The following FCRLA variants were observed in gnomAD, a reference collection of about 807,000 sequenced individuals.
FCRLA encodes Fc receptor-like A.
Under a neutral mutation model 28.4 loss-of-function variants are expected in FCRLA, and 26 were observed. The ratio of observed to expected loss-of-function variants is 0.91; its 90% CI spans 0.67 to 1.27. The LOEUF is 1.27. Ranked by LOEUF, FCRLA falls within the 50% of genes most tolerant of loss-of-function variation. The probability of loss-of-function intolerance (pLI) is 0.00; values close to 1 mark genes in which losing one functional copy is unlikely to be tolerated. For synonymous variants in FCRLA, 174 were observed against 168.5 expected (o/e 1.03, Z -0.25); for missense variants, 422 against 433.1 (o/e 0.97, Z 0.23).
chr1:161,713,223 C>T lies in FCRLA; in HGVS notation c.923C>T (p.Ser308Phe). 3 of 1,614,262 alleles carry T rather than the reference C, an allele frequency of 1.9e-6. No homozygotes were observed. The highest frequency in any genetic ancestry group is 2.5e-6 in the Non-Finnish European group (3 of 1,180,048). The change falls in exon 5 of 5, where the codon TCT becomes TTT. Residue 308 changes from serine (S) to phenylalanine (F), a missense_variant. Ser to Phe is a radical substitution (Grantham distance 155). This residue lies in a region of FCRLA where 185 missense variants were observed against 198.1 expected (regional missense o/e 0.93). Transcript: ENST00000236938. ...TCTTCTGAGGATCCAGGCTTTTCTTCTCCTCTGGGGATGCCAGATCCTCAT... is the reference window on the plus strand; with the variant it reads ...TCTTCTGAGGATCCAGGCTTTTCTTTTCCTCTGGGGATGCCAGATCCTCAT... ...TPSSEDPGFSSPLGMPDPHLY... is the reference protein window; with the variant it reads ...TPSSEDPGFSFPLGMPDPHLY...
chr1:161,712,531 A>G (rs1683157817), intron 4 of FCRLA, among the ~76,000 whole-genome samples: 1 of 152,192 alleles, frequency 6.6e-6, no homozygotes, highest in Admixed American at 6.5e-5. Context: ...TGGAATGAAG[A>G]TGGGATAGTC....
intron 4 of FCRLA, among the ~76,000 whole-genome samples, chr1:161,712,566 G>A: frequency 6.6e-6 from 1 of 152,264 alleles, no homozygotes; most frequent in East Asian, 1.9e-4. Flanking sequence ...AATTCTGGGA[G>A]CCACTGTTAA....
Position 161,713,464 on chromosome 1 carries a change from A to C in FCRLA, c.*84A>C. ...TTCTCTTCCTGTCCTGCACATATGC[A>C]TAAGTACTTTTACAAGTTGTCCCAG... On this transcript the variant is annotated 3_prime_UTR_variant, in exon 5 of 5. Transcript: ENST00000236938. 8.8e-7 allele frequency: 1 copy of C among 1,138,346 alleles called. No individual in the cohort carries two copies. The allele number at this position is 1,138,346 out of a possible 1,614,324, so 70.5% of individuals were successfully genotyped here. A position where few individuals can be genotyped will look rare whatever the true frequency, so the allele number is the denominator to read the frequency against.
At chr1:161,711,129 G>A in intron 2 of FCRLA, 79 bp from the exon 3 acceptor site, 1 of 1,539,378 alleles carries the variant, frequency 6.5e-7, no homozygotes, top group Non-Finnish European at 8.8e-7. Flanking sequence ...CTCAGAGAAA[G>A]TTTAGGGGAG....
intron 3 of FCRLA, 134 bp downstream of exon 3, chr1:161,711,608 T>C (rs566959184): frequency 1.2e-5 from 15 of 1,215,122 alleles, no homozygotes; most frequent in Admixed American, 1.1e-4. Context: ...AATGCCCAAG[T>C]TGGGCTTCGA....
chr1:161,708,869 A>T (rs1054178082), intron 1 of FCRLA, among the ~76,000 whole-genome samples: 1 of 152,088 alleles, frequency 6.6e-6, no homozygotes. Context: ...ATTTTCATCT[A>T]CCTGTGTCTT....
Position 161,713,450 on chromosome 1 carries a change from TC to T in FCRLA, c.*72del. 7.6e-7 allele frequency: 1 copy of T among 1,307,598 alleles called. No homozygotes were observed. The highest frequency in any genetic ancestry group is 1.1e-6 in the Non-Finnish European group (1 of 938,754). 81.0% of individuals were successfully genotyped at this position (1,307,598 alleles called of 1,614,324 possible). On this transcript the variant is annotated 3_prime_UTR_variant, in exon 5 of 5. Coordinates refer to ENST00000236938, the MANE Select transcript of FCRLA (RefSeq NM_032738.4). ...TCTGATTCTTTATTTTCTCTTCCTGTCCTGCACATATGCATAAGTACTTTTA... is the reference window on the plus strand; with the variant it reads ...TCTGATTCTTTATTTTCTCTTCCTGTCTGCACATATGCATAAGTACTTTTA...
chr1:161,712,306 T>C (rs771725111), intron 4 of FCRLA, 88 bp downstream of exon 4: 210 of 1,489,358 alleles, frequency 1.4e-4, no homozygotes, highest in Non-Finnish European at 1.7e-4. Flanking sequence ...TGAGCTGGGG[T>C]TCAGTGTGAG....
Position 161,713,446 on chromosome 1 carries a change from C to T in FCRLA, c.*66C>T. ...TAAATCTGATTCTTTATTTTCTCTT[C>T]CTGTCCTGCACATATGCATAAGTAC... On this transcript the variant is annotated 3_prime_UTR_variant, in exon 5 of 5. Coordinates refer to ENST00000236938, the MANE Select transcript of FCRLA (RefSeq NM_032738.4). The T allele has an allele frequency of 9.5e-6, 13 of 1,366,746 alleles. No homozygotes were observed. The highest frequency in any genetic ancestry group is 1.4e-5 in the South Asian group (1 of 73,144). 84.7% of individuals were successfully genotyped at this position (1,366,746 alleles called of 1,614,324 possible). A position where few individuals can be genotyped will look rare whatever the true frequency, so the allele number is the denominator to read the frequency against.
At chr1:161,711,038 C>G in intron 2 of FCRLA, 126 bp downstream of exon 2, 1 of 1,455,198 alleles carries the variant, frequency 6.9e-7, no homozygotes, top group Admixed American at 2.0e-5. Flanking sequence ...CTTCAGCCCA[C>G]AGCAACCAGG....
Position 161,713,700 on chromosome 1 carries a change from T to C in FCRLA, c.*320T>C. The C allele has an allele frequency of 5.0e-6, 1 of 198,870 alleles. No homozygotes were observed. The allele number at this position is 198,870 out of a possible 1,614,324, so 12.3% of individuals were successfully genotyped here. ...ATACAGCAGTCTCAACTGGGGGCAA[T>C]TTTGCCCCCCAGAGGACATTGGGCA... On this transcript the variant is annotated 3_prime_UTR_variant, in exon 5 of 5. Transcript: ENST00000236938.
chr1:161,711,530 C>T (rs1367716846), intron 3 of FCRLA, 56 bp downstream of exon 3: 1 of 1,550,770 alleles, frequency 6.4e-7, no homozygotes, highest in Admixed American at 1.9e-5. Flanking sequence ...AGACAGGGAG[C>T]CCAAATTGTC....
chr1:161,713,691 T>C lies in FCRLA; in HGVS notation c.*311T>C. ...GTGGATTGAATACAGCAGTCTCAAC[T>C]GGGGGCAATTTTGCCCCCCAGAGGA... On this transcript the variant is annotated 3_prime_UTR_variant, in exon 5 of 5. Transcript: ENST00000236938. The C allele has an allele frequency of 5.0e-6, 1 of 201,712 alleles. No homozygotes were observed. Among genetic ancestry groups the C allele is most frequent in the Non-Finnish European group, 9.9e-6 (1 of 100,992 alleles). The allele number at this position is 201,712 out of a possible 1,614,324, so 12.5% of individuals were successfully genotyped here.
intron 1 of FCRLA, chr1:161,710,303 G>T: frequency 1.6e-6 from 1 of 634,946 alleles, no homozygotes; most frequent in South Asian, 1.9e-5. Context: ...ATAAAATGAG[G>T]ATAAAGTCAC....
In FCRLA at chr1:161,712,233, G is replaced by A; in HGVS notation, c.784+15G>A. The stretch of plus-strand genomic sequence containing the variant: ...CAGAGTGCAGGGTGAGTTCGCATCA[G>A]AGTGCAGGTTGTCTGTTTGGCATGC... On this transcript the variant is annotated intron_variant, in intron 4 of 4. Transcript: ENST00000236938. 1.2e-6 allele frequency: 2 copies of A among 1,603,176 alleles called. No individual in the cohort carries two copies. Among genetic ancestry groups the A allele is most frequent in the Non-Finnish European group, 1.7e-6 (2 of 1,173,592 alleles).
chr1:161,710,583 G>T, intron 1 of FCRLA, 177 bp from the exon 2 acceptor site: 1 of 1,457,814 alleles, frequency 6.9e-7, no homozygotes, highest in Non-Finnish European at 9.4e-7. Context: ...GTGAATCAAG[G>T]TCAAAACTAT....
Position 161,713,321 on chromosome 1 carries a change from G to T in FCRLA, c.1021G>T (p.Glu341Ter). Residue 341 changes from glutamate to a stop codon, truncating the protein, a stop_gained, in exon 5 of 5, where the codon GAG becomes TAG. Transcript: ENST00000236938. LOFTEE classifies it low-confidence loss of function (END_TRUNC). ...AGTCCTCCTCGGTCACCTGCTCATG[G>T]AGTTGAGGGAATTATCTGGCCACCG... ...VRVLLGHLLM[E>*]LRELSGHRKP... 4 of 1,614,214 alleles carry T rather than the reference G, an allele frequency of 2.5e-6. No individual in the cohort carries two copies. Among genetic ancestry groups the T allele is most frequent in the African/African-American group, 1.3e-5 (1 of 75,048 alleles).
chr1:161,711,626 G>A (rs1049018437), intron 3 of FCRLA, 152 bp downstream of exon 3: 17 of 989,078 alleles, frequency 1.7e-5, no homozygotes, highest in South Asian at 8.4e-5. Context: ...CGAAAGGGAC[G>A]AGACCTCAGC....
intron 1 of FCRLA, among the ~76,000 whole-genome samples, chr1:161,708,125 T>G (rs148312622): frequency 2.1e-3 from 317 of 152,330 alleles, no homozygotes; most frequent in African/African-American, 7.3e-3. Context: ...ATCTCACAAG[T>G]GTCTCTGCAC....
Sources: gnomAD v4.1 joint callset for allele counts (sites outside exome capture counted in the v4.1 genomes callset) on GRCh38, gnomAD v4.1.1 for gene constraint, gnomAD v4.1.1 regional missense constraint, MANE v1.5 for transcripts, NCBI Gene and HGNC (gene_info 2026-07-23, HGNC 2026-07-21) for gene names.